The following INPP5A variants were observed in gnomAD, a reference collection of about 807,000 sequenced individuals.
The protein encoded by INPP5A is inositol polyphosphate-5-phosphatase A.
A neutral mutation model predicts 65.2 loss-of-function variants in INPP5A; 14 were observed. The observed-to-expected ratio is 0.21, with a 90% CI of 0.14 to 0.34. The LOEUF (loss-of-function observed/expected upper bound fraction) is 0.34, where lower values mean the gene tolerates loss of function less well. Ranked by LOEUF, INPP5A falls within the 10% of genes least tolerant of loss-of-function variation. The probability of loss-of-function intolerance (pLI) is 1.00; values close to 1 mark genes in which losing one functional copy is unlikely to be tolerated. For missense variants in INPP5A, 431 were observed against 545.6 expected (o/e 0.79, Z 2.09); for synonymous variants, 207 against 208.3 (o/e 0.99, Z 0.05).
intron 2 of INPP5A, among the ~76,000 whole-genome samples, chr10:132,626,109 T>C (rs527948878): frequency 3.3e-5 from 5 of 152,186 alleles, no homozygotes; most frequent in African/African-American, 4.8e-5. Context: ...CCAGGGAACG[T>C]GGCGGCACCC....
chr10:132,684,269 G>T (rs565161280), intron 4 of INPP5A, among the ~76,000 whole-genome samples: 74 of 152,266 alleles, frequency 4.9e-4, no homozygotes, highest in Non-Finnish European at 8.4e-4. Context: ...TTTTCAGTTG[G>T]TGTTTTCAGA....
chr10:132,716,998 G>A (rs1345403515), intron 8 of INPP5A, among the ~76,000 whole-genome samples: 1 of 152,188 alleles, frequency 6.6e-6, no homozygotes, highest in African/African-American at 2.4e-5. Flanking sequence ...TGGGGCCCAG[G>A]ATGCCCCCAG....
intron 4 of INPP5A, among the ~76,000 whole-genome samples, chr10:132,671,383 C>G (rs541632120): frequency 2.7e-5 from 4 of 145,998 alleles, no homozygotes; most frequent in African/African-American, 7.9e-5. Context: ...CTTCGGACTC[C>G]GCCCTCCCTG....
At chr10:132,632,030 A>T (rs901432193) in intron 2 of INPP5A, among the ~76,000 whole-genome samples, 1 of 152,078 alleles carries the variant, frequency 6.6e-6, no homozygotes, top group African/African-American at 2.4e-5. Flanking sequence ...GTGGGTGGAG[A>T]TGTGCACCCC....
intron 4 of INPP5A, among the ~76,000 whole-genome samples, chr10:132,671,063 T>C (rs946911887): frequency 2.6e-5 from 4 of 152,008 alleles, no homozygotes; most frequent in Non-Finnish European, 5.9e-5. Flanking sequence ...TTGGCCTCAG[T>C]AAAGAAAAGA....
chr10:132,774,108 T>G (rs1410854313), intron 12 of INPP5A, among the ~76,000 whole-genome samples: 1 of 152,226 alleles, frequency 6.6e-6, no homozygotes, highest in Non-Finnish European at 1.5e-5. Flanking sequence ...TCCCGCTCGG[T>G]AGCTTCAGCA....
rs935719017 is a variant in INPP5A, at chr10:132,551,863, G to A, written c.75+13692G>A. Reference sequence around the variant, plus strand: ...ATAGTCGGCTGCACGATTAAACTGGGTTCTGCTCGGGGAGTCCCTGGGGTT... The same window carrying A: ...ATAGTCGGCTGCACGATTAAACTGGATTCTGCTCGGGGAGTCCCTGGGGTT... On this transcript the variant is annotated intron_variant, in intron 1 of 15. Transcript: ENST00000368594. The surrounding 1 kb of genome is among the most constrained non-coding windows in gnomAD (Gnocchi z 5.3). Among the ~76,000 whole-genome samples the A allele has an allele frequency of 4.6e-5, 7 of 152,230 alleles. No individual in the cohort carries two copies. The highest frequency in any genetic ancestry group is 1.4e-4 in the African/African-American group (6 of 41,446).
At chr10:132,626,704 A>T (rs918018110) in intron 2 of INPP5A, among the ~76,000 whole-genome samples, 29 of 152,170 alleles carry the variant, frequency 1.9e-4, no homozygotes, top group African/African-American at 7.0e-4. Context: ...TTACAGACAG[A>T]TTGTCAAGGC....
At chr10:132,624,641 C>T (rs995928839) in intron 2 of INPP5A, among the ~76,000 whole-genome samples, 2 of 152,218 alleles carry the variant, frequency 1.3e-5, no homozygotes, top group East Asian at 1.9e-4. Context: ...GCATGTAGGC[C>T]GTGGTCTCTG....
chr10:132,741,935 A>C lies in INPP5A; in HGVS notation c.733-7582A>C, dbSNP rs751551333. Among the ~76,000 whole-genome samples the C allele has an allele frequency of 1.7e-4, 26 of 152,188 alleles. No homozygotes were observed. The highest frequency in any genetic ancestry group is 1.2e-4 in the Non-Finnish European group (8 of 68,044). ...TGGCCGTCCTCTGCAGAAAGGATGC[A>C]TACTTACAGAGAAGGCGCTCACTCC... is the stretch of plus-strand genomic sequence containing the variant. On this transcript the variant is annotated intron_variant, in intron 9 of 15. Coordinates refer to ENST00000368594, the MANE Select transcript of INPP5A (RefSeq NM_005539.5). The surrounding 1 kb of genome is among the most constrained non-coding windows in gnomAD (Gnocchi z 4.4).
In INPP5A at chr10:132,727,999, C is replaced by A. The variant is rs376339176; in HGVS notation, c.732+1094C>A. The stretch of plus-strand genomic sequence containing the variant: ...CAGGACATTGTTTCTGAAAGACAGA[C>A]TGAGCTGGCTTTGATCATCCTGGGT... On this transcript the variant is annotated intron_variant, in intron 9 of 15. Transcript: ENST00000368594. This position sits in a 1 kb window ranked among gnomAD's most constrained non-coding sequence, Gnocchi z 6.5. 1.7e-4 allele frequency among the ~76,000 whole-genome samples: 26 copies of A among 152,328 alleles called. No homozygotes were observed. The East Asian group carries it at 2.3e-3, about 14-fold the overall frequency.
intron 1 of INPP5A, among the ~76,000 whole-genome samples, chr10:132,580,241 G>T (rs557752583): frequency 6.6e-6 from 1 of 152,220 alleles, no homozygotes; most frequent in Non-Finnish European, 1.5e-5. Flanking sequence ...TGTAACCCCA[G>T]TGTTGGGGGA....
chr10:132,608,325 C>T (rs1332873831), intron 2 of INPP5A, among the ~76,000 whole-genome samples: 5 of 152,234 alleles, frequency 3.3e-5, no homozygotes, highest in Admixed American at 6.5e-5. Context: ...TCACCAGGTC[C>T]GGTCCGTGCA....
At chr10:132,757,715 C>T (rs569134752) in intron 11 of INPP5A, among the ~76,000 whole-genome samples, 46 of 152,306 alleles carry the variant, frequency 3.0e-4, no homozygotes, top group African/African-American at 8.4e-4. Flanking sequence ...CCCCACAGCC[C>T]GGCACCATGG....
intron 13 of INPP5A, 33 bp from the exon 14 acceptor site, chr10:132,780,816 C>T: frequency 6.2e-7 from 1 of 1,600,208 alleles, no homozygotes; most frequent in Non-Finnish European, 8.6e-7. Flanking sequence ...TGCCCCACCT[C>T]CCCACACTCA....
chr10:132,685,238 A>T (rs950923558), intron 4 of INPP5A, among the ~76,000 whole-genome samples: 6 of 152,126 alleles, frequency 3.9e-5, no homozygotes. Flanking sequence ...TCCTCCCTCA[A>T]CACTTTTTCC....
At chr10:132,703,834 A>AC (rs1176266228) in intron 6 of INPP5A, among the ~76,000 whole-genome samples, 194 of 13,196 alleles carry the variant, frequency 0.015, 1 homozygote, top group African/African-American at 0.016. Context: ...ACGTGGCTTC[A>AC]CCCCCCCCCA....
chr10:132,688,386 C>T (rs1845177663), intron 4 of INPP5A, among the ~76,000 whole-genome samples: 1 of 152,216 alleles, frequency 6.6e-6, no homozygotes, highest in Non-Finnish European at 1.5e-5. Context: ...CAGCAGTTCC[C>T]TGGGAACTGC....
chr10:132,545,451 T>G lies in INPP5A; in HGVS notation c.75+7280T>G, dbSNP rs1299990959. 6.6e-6 allele frequency among the ~76,000 whole-genome samples: 1 copy of G among 152,118 alleles called. No individual in the cohort carries two copies. Among genetic ancestry groups the G allele is most frequent in the African/African-American group, 2.4e-5 (1 of 41,412 alleles). ...ACAGCCTCCAGGAAGGTGGCCTCCA[T>G]CCGGGAATGGGGTCCAGGCGGAGGA... is the stretch of plus-strand genomic sequence containing the variant. On this transcript the variant is annotated intron_variant, in intron 1 of 15. Coordinates refer to ENST00000368594, the MANE Select transcript of INPP5A (RefSeq NM_005539.5). This position sits in a 1 kb window ranked among gnomAD's most constrained non-coding sequence, Gnocchi z 4.6.
Sources: allele counts gnomAD v4.1 joint callset (sites outside exome capture counted in the v4.1 genomes callset), GRCh38; gene constraint gnomAD v4.1.1; non-coding constraint Gnocchi (gnomAD v3.1); transcripts MANE v1.5; gene names NCBI Gene and HGNC (gene_info 2026-07-23, HGNC 2026-07-21).